The following MCMBP variants were observed in gnomAD, a reference collection of about 807,000 sequenced individuals.
MCMBP encodes the protein minichromosome maintenance complex binding protein.
A neutral mutation model predicts 81.3 loss-of-function variants in MCMBP; 31 were observed. The observed-to-expected ratio is 0.38, with a 90% CI of 0.29 to 0.51. The LOEUF (loss-of-function observed/expected upper bound fraction) is 0.51. MCMBP is among the 20% of genes least tolerant of loss of function. The pLI, the probability that MCMBP is intolerant of heterozygous loss-of-function variation, is 0.87. For missense variants in MCMBP, 645 were observed against 772.1 expected, an observed-to-expected ratio of 0.84 and a Z score of 1.95; for synonymous variants, 267 against 275.9, an observed-to-expected ratio of 0.97 and a Z score of 0.32.
intron 1 of MCMBP, among the ~76,000 whole-genome samples, chr10:119,860,704 A>C (rs1325849260): frequency 2.6e-5 from 4 of 152,172 alleles, no homozygotes; most frequent in Non-Finnish European, 5.9e-5. Flanking sequence ...ATTTCATGAC[A>C]TTGCTATTTA....
rs2273747 is a variant in MCMBP, at chr10:119,831,999, G to A, written c.1796+13C>T. 296,429 of 1,602,792 alleles carry A rather than the reference G, an allele frequency of 0.18. 30,832 individuals are homozygous for A. Among genetic ancestry groups the A allele is most frequent in the South Asian group, 0.43 (38,643 of 89,394 alleles). On this transcript the variant is annotated intron_variant, in intron 15 of 15. Coordinates refer to ENST00000369077, the MANE Select transcript of MCMBP (RefSeq NM_001256378.2). ...GCTTACCGAAACAGCAATAATGGACGTGCGCCACTTACCGAGCCACCACGA... is the reference window on the plus strand; with the variant it reads ...GCTTACCGAAACAGCAATAATGGACATGCGCCACTTACCGAGCCACCACGA...
At chr10:119,839,725 G>C (rs1319866474) in intron 11 of MCMBP, among the ~76,000 whole-genome samples, 1 of 152,166 alleles carries the variant, frequency 6.6e-6, no homozygotes. Context: ...GAAAGTTTAC[G>C]AATAGGATTT....
rs771185166 is a variant in MCMBP at position 119,835,647 on chromosome 10, T to C, written c.1600A>G (p.Met534Val). 1.2e-6 allele frequency: 2 copies of C among 1,614,134 alleles called. No homozygotes were observed. Among genetic ancestry groups the C allele is most frequent in the East Asian group, 2.2e-5 (1 of 44,902 alleles). Residue 534 changes from methionine to valine, a missense_variant, in exon 14 of 16, where the codon ATG (methionine) becomes GTG (valine). Transcript: ENST00000369077. ...QLIPPNMEEY[M>V]NSLLSAVLPS... ...AGCACCGCTGAGAGAAGGCTGTTCA[T>C]GTACTCCTCCATGTTTGGTGGAATT... is the stretch of plus-strand genomic sequence containing the variant.
intron 6 of MCMBP, 98 bp downstream of exon 6, chr10:119,852,952 G>T: frequency 7.1e-7 from 1 of 1,406,658 alleles, no homozygotes; most frequent in African/African-American, 1.4e-5. Context: ...TAAATTGCCA[G>T]CTCCTAAATA....
chr10:119,837,106 G>A (rs879606499), intron 12 of MCMBP, 77 bp from the exon 13 acceptor site: 7 of 1,443,294 alleles, frequency 4.9e-6, no homozygotes, highest in African/African-American at 1.4e-5. Context: ...CACCGATGAT[G>A]AGCCATGAAG....
At chr10:119,865,238 AACTG>A (rs1346204068) in intron 1 of MCMBP, among the ~76,000 whole-genome samples, 1 of 152,170 alleles carries the variant, frequency 6.6e-6, no homozygotes. Flanking sequence ...CTTCTTGGTG[AACTG>A]ACTGTTTTAA....
rs1852505574 is a variant in MCMBP, at chr10:119,843,365, G to A, written c.889C>T (p.His297Tyr). 1 of 1,614,082 alleles carries A rather than the reference G, an allele frequency of 6.2e-7. No homozygotes were observed. Among genetic ancestry groups the A allele is most frequent in the Non-Finnish European group, 8.5e-7 (1 of 1,179,962 alleles). Residue 297 changes from histidine (H) to tyrosine (Y), a missense_variant, in exon 9 of 16, where the codon CAC (histidine) becomes TAC (tyrosine). His to Tyr is a moderately conservative substitution (Grantham distance 83, BLOSUM62 2). Transcript: ENST00000369077. ...CTDTAEEQRV[H>Y]SPPASLVPRI... The stretch of plus-strand genomic sequence containing the variant: ...GGCACTAATGAAGCAGGAGGACTGT[G>A]TACTCTCTGCTCCTCTGCTGTGTCT...
chr10:119,866,082 T>C (rs1338004815), intron 1 of MCMBP, among the ~76,000 whole-genome samples: 1 of 144,686 alleles, frequency 6.9e-6, no homozygotes, highest in African/African-American at 2.6e-5. Flanking sequence ...AGAGCCAGGC[T>C]CTATCTCTTA....
chr10:119,843,526 AAT>A, intron 8 of MCMBP, 100 bp from the exon 9 acceptor site: 1 of 1,153,270 alleles, frequency 8.7e-7, no homozygotes, highest in South Asian at 1.5e-5. Context: ...TAAAGCCAAG[AAT>A]ATTTCCACCT....
In MCMBP at chr10:119,831,994, T is replaced by C. The variant is rs1437025791; in HGVS notation, c.1796+18A>G. 4 of 1,599,554 alleles carry C rather than the reference T, an allele frequency of 2.5e-6. No homozygotes were observed. The highest frequency in any genetic ancestry group is 3.4e-6 in the Non-Finnish European group (4 of 1,173,814). ...CACAAGCTTACCGAAACAGCAATAA[T>C]GGACGTGCGCCACTTACCGAGCCAC... is the stretch of plus-strand genomic sequence containing the variant. On this transcript the variant is annotated intron_variant, in intron 15 of 15. Coordinates refer to ENST00000369077, the MANE Select transcript of MCMBP (RefSeq NM_001256378.2).
chr10:119,840,993 T>C (rs1336329737), intron 10 of MCMBP, 33 bp from the exon 11 acceptor site: 1 of 1,227,300 alleles, frequency 8.1e-7, no homozygotes, highest in Non-Finnish European at 1.2e-6. Flanking sequence ...AATAAGATGC[T>C]GAAGTGACTT....
chr10:119,856,701 G>T (rs772440674), intron 5 of MCMBP, among the ~76,000 whole-genome samples: 1 of 152,140 alleles, frequency 6.6e-6, no homozygotes, highest in Non-Finnish European at 1.5e-5. Context: ...AATTACTATC[G>T]TAAATAAAAA....
In MCMBP at chr10:119,859,139, T is replaced by G. The variant is rs778895235; in HGVS notation, c.187A>C (p.Asn63His). 6.8e-6 allele frequency: 11 copies of G among 1,613,866 alleles called. No homozygotes were observed. The highest frequency in any genetic ancestry group is 8.5e-6 in the Non-Finnish European group (10 of 1,179,872). Residue 63 changes from asparagine to histidine, a missense_variant, in exon 3 of 16, where the codon AAT (asparagine) becomes CAT (histidine). By Grantham distance (68) the Asn-to-His change is moderately conservative (BLOSUM62 1). Transcript: ENST00000369077. ...ATGCAACGAAATTTCACAAAACTATTAGGTTTCAAATAATGAAGGGGAACT... is the reference window on the plus strand; with the variant it reads ...ATGCAACGAAATTTCACAAAACTATGAGGTTTCAAATAATGAAGGGGAACT... ...NEVPLHYLKPNSFVKFRCMIQ... is the reference protein window; with the variant it reads ...NEVPLHYLKPHSFVKFRCMIQ...
chr10:119,872,436 GT>G (rs1853720050), intron 1 of MCMBP, 90 bp downstream of exon 1: 1 of 764,768 alleles, frequency 1.3e-6, no homozygotes, highest in Non-Finnish European at 1.7e-6. Flanking sequence ...CCTCGAGATG[GT>G]ACCGCGTGGG....
At chr10:119,847,798 T>A (rs1852669208) in intron 7 of MCMBP, 85 bp from the exon 8 acceptor site, 1 of 698,552 alleles carries the variant, frequency 1.4e-6, no homozygotes, top group East Asian at 2.9e-5. Flanking sequence ...ATCTTGGAAT[T>A]TTAGATCAGG....
chr10:119,835,092 AT>A (rs1429494474), intron 14 of MCMBP, among the ~76,000 whole-genome samples: 1 of 152,232 alleles, frequency 6.6e-6, no homozygotes, highest in Non-Finnish European at 1.5e-5. Context: ...AAAAGCAGTA[AT>A]TCTAAATGTG....
chr10:119,841,796 G>A (rs1363541905), intron 10 of MCMBP, among the ~76,000 whole-genome samples: 3 of 152,244 alleles, frequency 2.0e-5, no homozygotes, highest in Non-Finnish European at 4.4e-5. Context: ...TGCGGTGCTA[G>A]TGTCAATGTC....
At chr10:119,855,453 C>T (rs1853001217) in intron 5 of MCMBP, among the ~76,000 whole-genome samples, 1 of 152,136 alleles carries the variant, frequency 6.6e-6, no homozygotes, top group Admixed American at 6.5e-5. Context: ...AGGTGGATCA[C>T]GAGGTCAGGA....
chr10:119,835,823 A>G, intron 13 of MCMBP, 119 bp from the exon 14 acceptor site: 7 of 1,056,480 alleles, frequency 6.6e-6, no homozygotes, highest in Non-Finnish European at 9.7e-6. Context: ...CTTATTATTT[A>G]GGGGGAGGGA....
Sources: allele counts gnomAD v4.1 joint callset (sites outside exome capture counted in the v4.1 genomes callset), GRCh38; gene constraint gnomAD v4.1.1; transcripts MANE v1.5; gene names NCBI Gene and HGNC (gene_info 2026-07-23, HGNC 2026-07-21).